ANP32A: variants seen among roughly 807,000 people sequenced by gnomAD.
The protein encoded by ANP32A is acidic leucine-rich nuclear phosphoprotein 32 family member A.
In ANP32A, 1 loss-of-function variant was observed where a neutral mutation model predicts 33.9. The observed-to-expected ratio is 0.03, with a 90% CI of 0.01 to 0.14. The LOEUF (loss-of-function observed/expected upper bound fraction) is 0.14, where lower values mean the gene tolerates loss of function less well. Among genes scored for constraint, ANP32A ranks in the 10% least tolerant of loss-of-function variants. The probability of loss-of-function intolerance (pLI) is 1.00; values close to 1 mark genes in which losing one functional copy is unlikely to be tolerated. For missense variants in ANP32A, 155 were observed against 306.0 expected (o/e 0.51, Z 3.68); for synonymous variants, 115 against 120.5 (o/e 0.95, Z 0.30).
intron 1 of ANP32A, chr15:68,818,302 G>A (rs1008742389): frequency 1.2e-5 from 3 of 253,404 alleles, no homozygotes; most frequent in South Asian, 3.1e-5. Context: ...GAGCCCAGTT[G>A]GGAGAGGTGC....
intron 1 of ANP32A, among the ~76,000 whole-genome samples, chr15:68,806,364 G>A (rs1052035262): frequency 2.0e-5 from 3 of 152,104 alleles, no homozygotes; most frequent in South Asian, 4.1e-4. Flanking sequence ...AACACCGGCC[G>A]CTGAAACTGA....
chr15:68,816,685 A>C (rs1894386866), intron 1 of ANP32A, among the ~76,000 whole-genome samples: 1 of 152,174 alleles, frequency 6.6e-6, no homozygotes, highest in African/African-American at 2.4e-5. Context: ...GTGAAGAAAC[A>C]AAGCTTCAAA....
chr15:68,786,720 G>A (rs1893938007), intron 3 of ANP32A, among the ~76,000 whole-genome samples: 1 of 152,196 alleles, frequency 6.6e-6, no homozygotes, highest in Admixed American at 6.5e-5. Context: ...TATAGAAAGT[G>A]TTGTTCTGAA....
At chr15:68,790,069 A>T (rs975142758) in intron 1 of ANP32A, 2 of 152,214 alleles carry the variant, frequency 1.3e-5, no homozygotes, top group Admixed American at 1.3e-4. Flanking sequence ...GTGTTGGGGG[A>T]GGGGAGCCAT....
chr15:68,813,357 G>C (rs1004712321), intron 1 of ANP32A, among the ~76,000 whole-genome samples: 7 of 152,200 alleles, frequency 4.6e-5, no homozygotes, highest in Non-Finnish European at 1.0e-4. Flanking sequence ...GTGGCTCAGG[G>C]CCATGGTGCT....
chr15:68,786,338 C>G (rs1271555738), intron 3 of ANP32A, among the ~76,000 whole-genome samples: 1 of 146,796 alleles, frequency 6.8e-6, no homozygotes, highest in Non-Finnish European at 1.5e-5. Flanking sequence ...CAGCTCATTG[C>G]AACCTCTGCC....
rs1240769607 is a variant in ANP32A, at chr15:68,779,909, G to A, written c.*172C>T. On this transcript the variant is annotated 3_prime_UTR_variant, in exon 7 of 7. Transcript: ENST00000465139. ...ATAGTATTTTATTCCACCCCCACCC[G>A]CCATCCCTCCCCCCGCAACCCCCAG... 49 of 218,432 alleles carry A rather than the reference G, an allele frequency of 2.2e-4. 1 individual carries two copies. Among genetic ancestry groups the A allele is most frequent in the East Asian group, 2.2e-3 (18 of 8,362 alleles). 13.5% of individuals were successfully genotyped at this position (218,432 alleles called of 1,614,324 possible). A position where few individuals can be genotyped will look rare whatever the true frequency, so the allele number is the denominator to read the frequency against.
chr15:68,781,712 G>T (rs3784357), intron 5 of ANP32A: 27,223 of 151,662 alleles, frequency 0.18, 3,591 homozygotes, highest in African/African-American at 0.36. Flanking sequence ...CAAGCGATTC[G>T]CGTGCCCCAG....
intron 1 of ANP32A, among the ~76,000 whole-genome samples, chr15:68,794,198 G>A (rs574480454): frequency 7.2e-5 from 11 of 152,220 alleles, no homozygotes; most frequent in South Asian, 2.1e-4. Context: ...TTACTGTTGC[G>A]TACAGTCAAG....
At chr15:68,812,036 G>GGTT (rs1555424272) in intron 1 of ANP32A, among the ~76,000 whole-genome samples, 14 of 3,590 alleles carry the variant, frequency 3.9e-3, no homozygotes, top group Admixed American at 0.01. Flanking sequence ...GCCCTAAGTT[G>GGTT]TTTTTTTTTT....
intron 1 of ANP32A, among the ~76,000 whole-genome samples, chr15:68,804,371 C>G (rs1852284607): frequency 6.6e-6 from 1 of 152,140 alleles, no homozygotes; most frequent in African/African-American, 2.4e-5. Context: ...GCCTTGGTTC[C>G]CTCATTGGCA....
Position 68,780,535 on chromosome 15 carries a change from G to A in ANP32A, c.625-62C>T. On this transcript the variant is annotated intron_variant, in intron 5 of 6. Coordinates refer to ENST00000465139, the MANE Select transcript of ANP32A (RefSeq NM_006305.4). The surrounding 1 kb of genome is among the most constrained non-coding windows in gnomAD (Gnocchi z 4.3). ...CCCTGCCTTGGGACATGCTGAGGAA[G>A]CCACACAGAGCACAAAAAGGCCGGG... 1 of 1,603,006 alleles carries A rather than the reference G, an allele frequency of 6.2e-7. No individual in the cohort carries two copies. The highest frequency in any genetic ancestry group is 8.5e-7 in the Non-Finnish European group (1 of 1,175,114).
intron 1 of ANP32A, among the ~76,000 whole-genome samples, chr15:68,811,194 T>C (rs1366994936): frequency 1.3e-5 from 2 of 149,254 alleles, no homozygotes; most frequent in Non-Finnish European, 3.0e-5. Context: ...GTAAGAGAGG[T>C]GACAGGATGG....
chr15:68,793,965 C>T (rs934345544), intron 1 of ANP32A, among the ~76,000 whole-genome samples: 6 of 152,178 alleles, frequency 3.9e-5, no homozygotes, highest in African/African-American at 1.4e-4. Flanking sequence ...TCTAGTACTT[C>T]CTGAGGCAAC....
At position 68,815,347 on chromosome 15, in the gene ANP32A, G is replaced by T. The variant is rs867158986; in HGVS notation, c.54+5351C>A. Reference sequence around the variant, plus strand: ...CTACATAGGGACTTTTATAACAAGAGAAAAATCTAACACATTTCCACAATT... The same window carrying T: ...CTACATAGGGACTTTTATAACAAGATAAAAATCTAACACATTTCCACAATT... On this transcript the variant is annotated intron_variant, in intron 1 of 6. Transcript: ENST00000465139. Among the ~76,000 whole-genome samples the T allele has an allele frequency of 2.6e-5, 4 of 152,176 alleles. No individual in the cohort carries two copies. The South Asian group carries it at 8.3e-4, about 32-fold the overall frequency.
chr15:68,780,138 T>C lies in ANP32A; in HGVS notation c.693A>G (p.Glu231=), dbSNP rs770427798. Residue 231 remains glutamate, a synonymous_variant, in exon 7 of 7, where the codon GAA becomes GAG. Coordinates refer to ENST00000465139, the MANE Select transcript of ANP32A (RefSeq NM_006305.4). The surrounding 1 kb of genome is among the most constrained non-coding windows in gnomAD (Gnocchi z 4.3). The part of the protein sequence containing the change: ...DEEDEEELGE[E]ERGQKRKREP... ...CTCGTTTTCGCTTCTGACCCCTTTC[T>C]TCTTCTGGAAAAGTAAGAAAGCGGC... The C allele has an allele frequency of 6.2e-7, 1 of 1,613,738 alleles. No homozygotes were observed. Among genetic ancestry groups the C allele is most frequent in the Non-Finnish European group, 8.5e-7 (1 of 1,179,724 alleles).
chr15:68,805,963 A>T (rs1188959730), intron 1 of ANP32A, among the ~76,000 whole-genome samples: 4 of 152,190 alleles, frequency 2.6e-5, no homozygotes, highest in Non-Finnish European at 5.9e-5. Context: ...GTCGGCATTC[A>T]TCAATGTGTG....
chr15:68,807,867 G>C (rs1247003252), intron 1 of ANP32A, among the ~76,000 whole-genome samples: 1 of 152,098 alleles, frequency 6.6e-6, no homozygotes. Flanking sequence ...AAAGGTCCAC[G>C]GCCTCTCAAG....
chr15:68,793,306 A>C (rs1894021356), intron 1 of ANP32A, among the ~76,000 whole-genome samples: 1 of 152,218 alleles, frequency 6.6e-6, no homozygotes, highest in African/African-American at 2.4e-5. Flanking sequence ...TAAATGTTGA[A>C]TGAACCCTAT....
Sources: allele counts gnomAD v4.1 joint callset (sites outside exome capture counted in the v4.1 genomes callset), GRCh38; gene constraint gnomAD v4.1.1; non-coding constraint Gnocchi (gnomAD v3.1); transcripts MANE v1.5; gene names NCBI Gene and HGNC (gene_info 2026-07-23, HGNC 2026-07-21).